Variants in MAP7D3 observed in about 807,000 individuals in gnomAD.
The protein encoded by MAP7D3 is MAP7 domain containing 3, also known as MAP7 domain-containing protein 3.
A neutral mutation model predicts 62.2 loss-of-function variants in MAP7D3; 45 were observed. That is an observed-to-expected ratio of 0.72 (90% CI 0.57 to 0.93). The LOEUF (loss-of-function observed/expected upper bound fraction) is 0.93, where lower values mean the gene tolerates loss of function less well. Among genes scored for constraint, MAP7D3 ranks in the 40% least tolerant of loss-of-function variants. The pLI is 0.00. For missense variants in MAP7D3, 711 were observed against 683.1 expected (o/e 1.04, Z -0.45); for synonymous variants, 288 against 248.8 (o/e 1.16, Z -1.48).
At chrX:136,251,142 G>C (rs977549636) in intron 1 of MAP7D3, 147 bp downstream of exon 1, 122 of 431,607 alleles carry the variant, frequency 2.8e-4, no homozygotes, top group South Asian at 1.0e-3. Flanking sequence ...CACTCCGGCG[G>C]GGGTGAGGGG....
rs754953338 is a variant in MAP7D3, at chrX:136,231,722, CCCTCTGGGGCTGCTTCCACGCTCA to C, written c.1211_1234del (p.Val404_Glu411del). ...CCCCTTGGGAGGTGCTTCCAGGCTC[CCCTCTGGGGCTGCTTCCACGCTCA>C]CCTCTGGCAGTGCTTCCAGACTCAC... is the stretch of plus-strand genomic sequence containing the variant. On this transcript the variant is annotated inframe_deletion, in exon 8 of 19. Coordinates refer to ENST00000316077, the MANE Select transcript of MAP7D3 (RefSeq NM_024597.4). 9.1e-6 allele frequency: 11 copies of C among 1,207,361 alleles called. No individual in the cohort carries two copies. The Admixed American group carries it at 1.1e-4, about 12-fold the overall frequency.
At chrX:136,215,402 G>T (rs1603275581), downstream of MAP7D3, among the ~76,000 whole-genome samples, 2 of 111,877 alleles carry the variant, frequency 1.8e-5, no homozygotes, top group African/African-American at 6.5e-5. Context: ...CCACGCATGT[G>T]AGGGATCTAG....
chrX:136,247,287 A>ATT (rs1377726041), intron 1 of MAP7D3, among the ~76,000 whole-genome samples: 1 of 112,119 alleles, frequency 8.9e-6, no homozygotes, highest in Non-Finnish European at 1.9e-5. Context: ...TATATCTAAA[A>ATT]TGTCCCACAA....
At chrX:136,253,634 G>A (rs1265732715), upstream of MAP7D3, among the ~76,000 whole-genome samples, 2 of 111,989 alleles carry the variant, frequency 1.8e-5, no homozygotes, top group African/African-American at 6.5e-5. Flanking sequence ...TATGGTACAT[G>A]ATATTGTATC....
chrX:136,225,448 G>A (rs926816609), intron 13 of MAP7D3, among the ~76,000 whole-genome samples: 1 of 111,782 alleles, frequency 8.9e-6, no homozygotes, highest in African/African-American at 3.2e-5. Context: ...AGGCCTTGCA[G>A]CAACTCAGCC....
At chrX:136,256,268 A>G (rs1326681485), upstream of MAP7D3, 6 of 1,153,451 alleles carry the variant, frequency 5.2e-6, no homozygotes, top group Non-Finnish European at 3.4e-6. Flanking sequence ...CTTTTCCCAC[A>G]TCTGCGCTTT....
At chrX:136,250,964 GC>G (rs1311750155) in intron 1 of MAP7D3, among the ~76,000 whole-genome samples, 1 of 111,277 alleles carries the variant, frequency 9.0e-6, no homozygotes, top group Non-Finnish European at 1.9e-5. Flanking sequence ...GCTTCCAGCC[GC>G]CCCCGCCCCG....
At chrX:136,237,995 G>C (rs867867388) in intron 6 of MAP7D3, among the ~76,000 whole-genome samples, 1 of 109,922 alleles carries the variant, frequency 9.1e-6, no homozygotes, top group Non-Finnish European at 1.9e-5. Flanking sequence ...TTGTCCTTGC[G>C]ATAGTTTGCT....
intron 7 of MAP7D3, among the ~76,000 whole-genome samples, chrX:136,235,564 C>T (rs571158549): frequency 9.0e-6 from 1 of 111,233 alleles, no homozygotes; most frequent in East Asian, 2.8e-4. Flanking sequence ...GCCTGACCAA[C>T]ATGGCAAAAC....
chrX:136,240,793 T>C (rs2074381392), intron 5 of MAP7D3, among the ~76,000 whole-genome samples: 1 of 111,982 alleles, frequency 8.9e-6, no homozygotes, highest in Admixed American at 9.5e-5. Flanking sequence ...TTACTTTTGT[T>C]TTCTGAAATT....
chrX:136,248,953 C>G (rs1218231699), intron 1 of MAP7D3, among the ~76,000 whole-genome samples: 7 of 112,077 alleles, frequency 6.2e-5, no homozygotes, highest in African/African-American at 2.3e-4. Context: ...CATCAGAGAA[C>G]CATAAAAATC....
At chrX:136,251,083 T>C (rs2074502828) in intron 1 of MAP7D3, among the ~76,000 whole-genome samples, 2 of 112,240 alleles carry the variant, frequency 1.8e-5, no homozygotes, top group Admixed American at 1.8e-4. Context: ...GCTCGCGGCG[T>C]CGGCTGACAA....
At chrX:136,225,051 C>G (rs2074179401) in intron 13 of MAP7D3, among the ~76,000 whole-genome samples, 171 bp from the exon 14 acceptor site, 1 of 112,116 alleles carries the variant, frequency 8.9e-6, no homozygotes, top group Non-Finnish European at 1.9e-5. Context: ...TCCCCTATCC[C>G]AATCCCAGTT....
chrX:136,242,216 A>G (rs775642572), intron 4 of MAP7D3, among the ~76,000 whole-genome samples: 4 of 112,595 alleles, frequency 3.6e-5, no homozygotes, highest in Non-Finnish European at 7.5e-5. Flanking sequence ...TTTCTAACAG[A>G]AAGGCAGTTG....
intron 8 of MAP7D3, chrX:136,231,174 C>G (rs1196080639): frequency 3.0e-6 from 1 of 336,852 alleles, no homozygotes; most frequent in East Asian, 4.6e-5. Context: ...CAGGAGATCA[C>G]AGAAATAACA....
intron 7 of MAP7D3, among the ~76,000 whole-genome samples, chrX:136,232,579 TA>T (rs2148409380): frequency 8.9e-6 from 1 of 112,495 alleles, no homozygotes; most frequent in Non-Finnish European, 1.9e-5. Context: ...CAACCCTTTC[TA>T]AAAGTAATCT....
intron 5 of MAP7D3, 62 bp from the exon 6 acceptor site, chrX:136,240,548 A>G: frequency 1.3e-6 from 1 of 775,835 alleles, no homozygotes; most frequent in Non-Finnish European, 2.0e-6. Context: ...CATTAACTGA[A>G]AAAAAAATGA....
At chrX:136,229,007 C>A in intron 10 of MAP7D3, 1 of 190,432 alleles carries the variant, frequency 5.3e-6, no homozygotes. Context: ...CTTCTACTTT[C>A]GTTTTAGTGG....
downstream of MAP7D3, among the ~76,000 whole-genome samples, chrX:136,216,052 T>C: frequency 9.0e-6 from 1 of 111,038 alleles, no homozygotes; most frequent in Non-Finnish European, 1.9e-5. Context: ...ATGATTTTTA[T>C]TGGGATTAAA....
Sources: allele counts gnomAD v4.1 joint callset (sites outside exome capture counted in the v4.1 genomes callset), GRCh38; gene constraint gnomAD v4.1.1; transcripts MANE v1.5; gene names NCBI Gene and HGNC (gene_info 2026-07-23, HGNC 2026-07-21).